ADAMTS6: variants seen among roughly 807,000 people sequenced by gnomAD.
ADAMTS6 encodes the protein ADAM metallopeptidase with thrombospondin type 1 motif 6.
Under a neutral mutation model 144.3 loss-of-function variants are expected in ADAMTS6, and 23 were observed. The observed-to-expected ratio is 0.16, with a 90% CI of 0.11 to 0.23. ADAMTS6 has a LOEUF of 0.23. Among genes scored for constraint, ADAMTS6 ranks in the 10% least tolerant of loss-of-function variants. ADAMTS6 has a pLI of 1.00. For missense variants in ADAMTS6, 999 were observed against 1,379.6 expected (o/e 0.72, Z 4.37); for synonymous variants, 444 against 457.5 (o/e 0.97, Z 0.38).
At chr5:65,196,923 A>G in intron 21 of ADAMTS6, 99 bp downstream of exon 21, 1 of 1,416,742 alleles carries the variant, frequency 7.1e-7, no homozygotes, top group Non-Finnish European at 9.4e-7. Context: ...TTTCAGCCTA[A>G]TTTATTCTCA....
At chr5:65,334,008 A>C (rs760897663) in intron 8 of ADAMTS6, 34 bp downstream of exon 8, 44 of 1,320,334 alleles carry the variant, frequency 3.3e-5, no homozygotes, top group African/African-American at 6.5e-5. Flanking sequence ...AAAAAAAAAA[A>C]AAAAAAAAAA....
intron 24 of ADAMTS6, among the ~76,000 whole-genome samples, chr5:65,156,549 C>A (rs1415166632): frequency 6.6e-6 from 1 of 152,150 alleles, no homozygotes; most frequent in Non-Finnish European, 1.5e-5. Context: ...TTCCTCTATA[C>A]CCAAGTAGTG....
intron 24 of ADAMTS6, among the ~76,000 whole-genome samples, chr5:65,167,481 T>C (rs1753255649): frequency 1.3e-5 from 2 of 152,132 alleles, no homozygotes; most frequent in African/African-American, 4.8e-5. Flanking sequence ...CCATTCCTTC[T>C]GAAACTATTC....
chr5:65,319,132 T>C (rs1745288097), intron 9 of ADAMTS6, among the ~76,000 whole-genome samples: 1 of 151,986 alleles, frequency 6.6e-6, no homozygotes, highest in African/African-American at 2.4e-5. Flanking sequence ...TATTATCTAA[T>C]CACAATCCAA....
chr5:65,383,511 T>A (rs767063241), intron 7 of ADAMTS6, among the ~76,000 whole-genome samples: 1 of 152,128 alleles, frequency 6.6e-6, no homozygotes, highest in Non-Finnish European at 1.5e-5. Flanking sequence ...AGAGAATAAT[T>A]GACTCCATGA....
At chr5:65,339,577 G>C (rs1405607920) in intron 7 of ADAMTS6, among the ~76,000 whole-genome samples, 1 of 151,370 alleles carries the variant, frequency 6.6e-6, no homozygotes, top group Non-Finnish European at 1.5e-5. Context: ...TAAGGAAAGT[G>C]AGATATAATA....
chr5:65,468,105 A>T (rs1414702232), intron 3 of ADAMTS6, among the ~76,000 whole-genome samples: 1 of 152,202 alleles, frequency 6.6e-6, no homozygotes, highest in Non-Finnish European at 1.5e-5. Flanking sequence ...ATACACAGCA[A>T]ATTAAAATAT....
intron 11 of ADAMTS6, among the ~76,000 whole-genome samples, chr5:65,274,848 C>T (rs1419960729): frequency 2.6e-5 from 4 of 152,090 alleles, no homozygotes; most frequent in Admixed American, 2.6e-4. Context: ...CCATGCCCAG[C>T]TAATTTTTGT....
At chr5:65,332,363 T>G (rs886605063) in intron 8 of ADAMTS6, among the ~76,000 whole-genome samples, 1 of 150,770 alleles carries the variant, frequency 6.6e-6, no homozygotes, top group Non-Finnish European at 1.5e-5. Flanking sequence ...AATGTGTGTA[T>G]GTGTGTATAT....
intron 11 of ADAMTS6, among the ~76,000 whole-genome samples, chr5:65,279,500 A>G (rs1384815160): frequency 1.3e-5 from 2 of 151,906 alleles, no homozygotes; most frequent in African/African-American, 4.8e-5. Flanking sequence ...TATTTTTGGT[A>G]GAGACAGGGT....
chr5:65,221,849 C>T (rs976363542), intron 18 of ADAMTS6, among the ~76,000 whole-genome samples: 14 of 151,808 alleles, frequency 9.2e-5, no homozygotes, highest in African/African-American at 3.4e-4. Flanking sequence ...TCCCTAACAA[C>T]AAAAAACTGG....
intron 3 of ADAMTS6, among the ~76,000 whole-genome samples, chr5:65,463,653 A>T (rs2150270593): frequency 6.6e-6 from 1 of 152,250 alleles, no homozygotes; most frequent in African/African-American, 2.4e-5. Context: ...TCTAATTCTC[A>T]TATGATTATG....
rs73761667 is a variant in ADAMTS6, at chr5:65,209,234, A to G, written c.2575+5560T>C. 8.8e-3 allele frequency among the ~76,000 whole-genome samples: 1,343 copies of G among 152,324 alleles called. 18 individuals are homozygous for G. The highest frequency in any genetic ancestry group is 0.03 in the African/African-American group (1,259 of 41,566). The stretch of plus-strand genomic sequence containing the variant: ...ATACAACTTTCCCTACCCAGACAAG[A>G]TTCATTAATTAGCAACTGATTATAA... On this transcript the variant is annotated intron_variant, in intron 20 of 24. Transcript: ENST00000381055.
At chr5:65,226,359 C>T (rs1006104859) in intron 15 of ADAMTS6, 140 bp from the exon 16 acceptor site, 9 of 863,582 alleles carry the variant, frequency 1.0e-5, no homozygotes, top group Non-Finnish European at 1.4e-5. Context: ...TTCTTTCCCC[C>T]TTTTCTAAAA....
chr5:65,172,358 G>T (rs542579828), intron 23 of ADAMTS6, among the ~76,000 whole-genome samples: 1 of 151,024 alleles, frequency 6.6e-6, no homozygotes, highest in South Asian at 2.1e-4. Flanking sequence ...AGCTTGCAGT[G>T]AGCCGAGATC....
chr5:65,294,154 T>C (rs1372412119), intron 10 of ADAMTS6, among the ~76,000 whole-genome samples: 2 of 152,222 alleles, frequency 1.3e-5, no homozygotes, highest in Non-Finnish European at 1.5e-5. Flanking sequence ...CTAGTAACCA[T>C]ATCTGGTATA....
intron 14 of ADAMTS6, among the ~76,000 whole-genome samples, chr5:65,256,985 C>CTTTT (rs545846781): frequency 7.8e-4 from 69 of 88,678 alleles, no homozygotes; most frequent in Non-Finnish European, 1.1e-3. Flanking sequence ...CTCTCTCTCT[C>CTTTT]TTTTTTTTTT....
chr5:65,325,781 C>T (rs2112902837), intron 9 of ADAMTS6, among the ~76,000 whole-genome samples: 1 of 152,252 alleles, frequency 6.6e-6, no homozygotes, highest in East Asian at 1.9e-4. Flanking sequence ...GCATGAGCCA[C>T]AGTGTCTGAC....
At chr5:65,165,992 G>T (rs200604163) in intron 24 of ADAMTS6, among the ~76,000 whole-genome samples, 48 of 143,580 alleles carry the variant, frequency 3.3e-4, no homozygotes, top group African/African-American at 5.2e-4. Flanking sequence ...AAAATAACCA[G>T]CTAACATCAT....
Sources: allele counts gnomAD v4.1 joint callset (sites outside exome capture counted in the v4.1 genomes callset), GRCh38; gene constraint gnomAD v4.1.1; transcripts MANE v1.5; gene names NCBI Gene and HGNC (gene_info 2026-07-23, HGNC 2026-07-21).